The following FHIT variants were observed in gnomAD, a reference collection of about 807,000 sequenced individuals.
FHIT encodes fragile histidine triad diadenosine triphosphatase.
FHIT carries 19 observed loss-of-function variants against 17.9 expected under a neutral mutation model. The ratio of observed to expected loss-of-function variants is 1.06; its 90% CI spans 0.74 to 1.56. FHIT has a LOEUF of 1.56. FHIT is among the 40% of genes most tolerant of loss of function. The pLI is 0.00. For synonymous variants in FHIT, 81 were observed against 69.7 expected, an observed-to-expected ratio of 1.16 and a Z score of -0.81; for missense variants, 248 against 189.2, an observed-to-expected ratio of 1.31 and a Z score of -1.82.
chr3:60,530,883 T>C lies in FHIT; in HGVS notation c.103+5977A>G, dbSNP rs568526430. Among the ~76,000 whole-genome samples, 6 of 152,332 alleles carry C rather than the reference T, an allele frequency of 3.9e-5. No individual in the cohort carries two copies. In the South Asian group the frequency reaches 8.3e-4, roughly 21 times the overall value. On this transcript the variant is annotated intron_variant, in intron 5 of 9. Transcript: ENST00000492590. ...ATTGTCCAGTGCTATCAGAAGCTGC[T>C]TGTAGCTGGTGGCCATGTACTCTAA...
intron 5 of FHIT, among the ~76,000 whole-genome samples, chr3:60,326,511 G>A (rs2106830225): frequency 6.6e-6 from 1 of 152,240 alleles, no homozygotes; most frequent in African/African-American, 2.4e-5. Flanking sequence ...CGGCTGTAAA[G>A]ACAGATGAAG....
chr3:60,805,406 C>T (rs762567280), intron 4 of FHIT, among the ~76,000 whole-genome samples: 4 of 152,014 alleles, frequency 2.6e-5, no homozygotes, highest in African/African-American at 4.8e-5. Context: ...GCTGCCTTTT[C>T]GTTCACCATG....
chr3:60,120,444 C>T (rs1705196003), intron 5 of FHIT, among the ~76,000 whole-genome samples: 1 of 152,192 alleles, frequency 6.6e-6, no homozygotes, highest in Non-Finnish European at 1.5e-5. Context: ...TAGGTTTCAC[C>T]ATGGAAGGCA....
At chr3:59,975,259 T>C (rs186513750) in intron 7 of FHIT, among the ~76,000 whole-genome samples, 3 of 152,228 alleles carry the variant, frequency 2.0e-5, no homozygotes, top group South Asian at 2.1e-4. Context: ...AGCCAAAAGC[T>C]TGGGCCTCAG....
intron 4 of FHIT, among the ~76,000 whole-genome samples, chr3:60,610,664 C>T (rs1553673184): frequency 6.6e-6 from 1 of 152,146 alleles, no homozygotes; most frequent in African/African-American, 2.4e-5. Flanking sequence ...AGGACTCAGA[C>T]AACTACAGCA....
In FHIT at chr3:60,614,839, T is replaced by G. The variant is rs1426351059; in HGVS notation, c.-17-77860A>C. ...TTTTTTGTTTTTTTTTTGTTTTTTT[T>G]TTGTTTTTTGAGATGGAGCCCTGCT... On this transcript the variant is annotated intron_variant, in intron 4 of 9. Transcript: ENST00000492590. 8.7e-4 allele frequency among the ~76,000 whole-genome samples: 59 copies of G among 68,026 alleles called. 3 individuals carry two copies. Among genetic ancestry groups the G allele is most frequent in the African/African-American group, 2.2e-3 (53 of 24,578 alleles). 44.6% of individuals were successfully genotyped at this position (68,026 alleles called of 152,430 possible). A position where few individuals can be genotyped will look rare whatever the true frequency, so the allele number is the denominator to read the frequency against.
At chr3:60,497,259 A>T (rs2034338622) in intron 5 of FHIT, among the ~76,000 whole-genome samples, 1 of 152,018 alleles carries the variant, frequency 6.6e-6, no homozygotes, top group Admixed American at 6.5e-5. Flanking sequence ...CCCTAAAAAC[A>T]GAGGAAGGAG....
intron 5 of FHIT, among the ~76,000 whole-genome samples, chr3:60,394,147 G>A (rs556920892): frequency 1.4e-4 from 22 of 152,246 alleles, no homozygotes; most frequent in African/African-American, 5.1e-4. Flanking sequence ...GTACTGGTTT[G>A]ACTGGGTCAG....
chr3:60,466,478 G>T (rs527568995), intron 5 of FHIT, among the ~76,000 whole-genome samples: 20 of 151,964 alleles, frequency 1.3e-4, no homozygotes, highest in African/African-American at 4.8e-4. Flanking sequence ...AAACCTTCAG[G>T]TGTTTCCCCT....
intron 3 of FHIT, among the ~76,000 whole-genome samples, chr3:60,934,568 A>T (rs1553772647): frequency 6.6e-6 from 1 of 152,228 alleles, no homozygotes; most frequent in East Asian, 1.9e-4. Context: ...CTGTGTCTCA[A>T]GCACATCACA....
At chr3:60,569,843 A>C (rs2594256) in intron 4 of FHIT, among the ~76,000 whole-genome samples, 133,391 of 146,310 alleles carry the variant, frequency 0.91, 60,997 homozygotes, top group East Asian at 1. Flanking sequence ...CCTTCGCCTC[A>C]CAGGTTCAAG....
At chr3:60,840,658 A>G (rs1167023451) in intron 3 of FHIT, among the ~76,000 whole-genome samples, 2 of 152,162 alleles carry the variant, frequency 1.3e-5, no homozygotes, top group African/African-American at 4.8e-5. Flanking sequence ...CTCTACATAG[A>G]TTTTATTTTC....
intron 4 of FHIT, among the ~76,000 whole-genome samples, chr3:60,646,713 GAGC>G (rs199915729): frequency 0.011 from 1,698 of 152,240 alleles, 32 homozygotes; most frequent in African/African-American, 0.038. Flanking sequence ...TGTTACTAGA[GAGC>G]AGAGTTGACA....
At chr3:59,795,816 G>A (rs989270446) in intron 8 of FHIT, among the ~76,000 whole-genome samples, 6 of 152,184 alleles carry the variant, frequency 3.9e-5, no homozygotes, top group East Asian at 1.9e-4. Flanking sequence ...GAGCTCCATC[G>A]GATTGGAAAA....
rs909109347 is a variant in FHIT at position 60,419,735 on chromosome 3, T to C, written c.103+117125A>G. On this transcript the variant is annotated intron_variant, in intron 5 of 9. Coordinates refer to ENST00000492590, the MANE Select transcript of FHIT (RefSeq NM_002012.4). ...ATTGATCTATAAGTTGCTGTCACTT[T>C]GATGAAACCTAAGGGCTTCAAGCAC... is the stretch of plus-strand genomic sequence containing the variant. Among the ~76,000 whole-genome samples, 10 of 152,300 alleles carry C rather than the reference T, an allele frequency of 6.6e-5. 1 individual carries two copies. Among genetic ancestry groups the C allele is most frequent in the Admixed American group, 4.6e-4 (7 of 15,296 alleles).
intron 8 of FHIT, among the ~76,000 whole-genome samples, chr3:59,909,299 T>C (rs908561902): frequency 1.3e-5 from 2 of 151,880 alleles, no homozygotes; most frequent in Admixed American, 6.6e-5. Context: ...CCCAAAGGGC[T>C]GGGATTACTC....
intron 7 of FHIT, among the ~76,000 whole-genome samples, chr3:59,926,364 G>A (rs182665408): frequency 7.2e-5 from 11 of 152,126 alleles, no homozygotes; most frequent in Non-Finnish European, 5.9e-5. Context: ...CCAGGGATAC[G>A]GTAATGGACA....
At chr3:60,402,242 T>A (rs1472031346) in intron 5 of FHIT, among the ~76,000 whole-genome samples, 3 of 152,158 alleles carry the variant, frequency 2.0e-5, no homozygotes, top group Non-Finnish European at 4.4e-5. Flanking sequence ...GTTTTTCTTT[T>A]CCTCTCTAAA....
At chr3:60,627,740 T>G (rs2039330082) in intron 4 of FHIT, among the ~76,000 whole-genome samples, 1 of 152,176 alleles carries the variant, frequency 6.6e-6, no homozygotes, top group Non-Finnish European at 1.5e-5. Flanking sequence ...GCCAGGCTAG[T>G]CACATACTCC....
Sources: gnomAD v4.1 joint callset for allele counts (sites outside exome capture counted in the v4.1 genomes callset) on GRCh38, gnomAD v4.1.1 for gene constraint, MANE v1.5 for transcripts, NCBI Gene and HGNC (gene_info 2026-07-23, HGNC 2026-07-21) for gene names.